The following CCDC138 variants were observed in gnomAD, a reference collection of about 807,000 sequenced individuals.
CCDC138 encodes coiled-coil domain-containing protein 138.
A neutral mutation model predicts 82.3 loss-of-function variants in CCDC138; 66 were observed. The observed-to-expected ratio is 0.80, with a 90% CI of 0.66 to 0.98. The LOEUF (loss-of-function observed/expected upper bound fraction) is 0.98, where lower values mean the gene tolerates loss of function less well. Among genes scored for constraint, CCDC138 ranks in the 50% least tolerant of loss-of-function variants. The pLI is 0.00. For missense variants in CCDC138, 816 were observed against 758.9 expected, an observed-to-expected ratio of 1.08 and a Z score of -0.88; for synonymous variants, 297 against 265.4, an observed-to-expected ratio of 1.12 and a Z score of -1.16.
intron 5 of CCDC138, 133 bp downstream of exon 5, chr2:108,794,854 A>C (rs1680591459): frequency 2.9e-6 from 2 of 679,996 alleles, no homozygotes; most frequent in African/African-American, 1.8e-5. Context: ...ACGGAAGGGG[A>C]CAAACTCAAA....
At position 108,855,731 on chromosome 2, in the gene CCDC138, C is replaced by T. The variant is rs148294840; in HGVS notation, c.1517-1063C>T. On this transcript the variant is annotated intron_variant, in intron 12 of 14. Coordinates refer to ENST00000295124, the MANE Select transcript of CCDC138 (RefSeq NM_144978.3). ...GTTTCATATGTATTTTCACTTCACA[C>T]AAGTTATTCTAAACTTCTCATTCTT... 4.1e-4 allele frequency among the ~76,000 whole-genome samples: 63 copies of T among 152,290 alleles called. No homozygotes were observed. The East Asian group carries it at 0.012, about 29-fold the overall frequency.
intron 11 of CCDC138, among the ~76,000 whole-genome samples, chr2:108,843,892 T>TC: frequency 7.3e-6 from 1 of 137,148 alleles, no homozygotes; most frequent in South Asian, 2.3e-4. Flanking sequence ...CTTTCTTTTT[T>TC]TTTTTTTTTT....
intron 4 of CCDC138, among the ~76,000 whole-genome samples, chr2:108,793,742 A>G (rs954607477): frequency 8.7e-5 from 13 of 149,908 alleles, no homozygotes; most frequent in African/African-American, 2.7e-4. Flanking sequence ...GACTACAGGC[A>G]CCCGCCATCA....
intron 10 of CCDC138, among the ~76,000 whole-genome samples, chr2:108,827,892 A>T (rs1686910169): frequency 6.6e-6 from 1 of 151,970 alleles, no homozygotes; most frequent in South Asian, 2.1e-4. Flanking sequence ...AAAAAAATTC[A>T]TCAGAGATTC....
chr2:108,862,817 A>C (rs1221001418), intron 13 of CCDC138, among the ~76,000 whole-genome samples: 2 of 152,034 alleles, frequency 1.3e-5, no homozygotes, highest in Admixed American at 1.3e-4. Flanking sequence ...ACGTGGTTAG[A>C]TACTAGTGCA....
chr2:108,835,434 G>A (rs1688413942), intron 10 of CCDC138, among the ~76,000 whole-genome samples: 1 of 152,110 alleles, frequency 6.6e-6, no homozygotes, highest in Non-Finnish European at 1.5e-5. Flanking sequence ...AAAATTCATG[G>A]AACTGTTGAT....
At chr2:108,837,795 TG>T (rs560218946) in intron 10 of CCDC138, among the ~76,000 whole-genome samples, 1 of 152,216 alleles carries the variant, frequency 6.6e-6, no homozygotes, top group Non-Finnish European at 1.5e-5. Flanking sequence ...ATTAAAAAGT[TG>T]GGGGGAGAAG....
At chr2:108,793,619 T>C (rs1440348443) in intron 4 of CCDC138, among the ~76,000 whole-genome samples, 3 of 151,008 alleles carry the variant, frequency 2.0e-5, no homozygotes, top group East Asian at 4.0e-4. Flanking sequence ...TTTTTTGAGA[T>C]GGAGTCTCGC....
At chr2:108,810,298 A>C (rs559512743) in intron 7 of CCDC138, among the ~76,000 whole-genome samples, 1 of 152,240 alleles carries the variant, frequency 6.6e-6, no homozygotes, top group East Asian at 1.9e-4. Context: ...ATAGCTTTTA[A>C]TGTGTTGAAG....
intron 13 of CCDC138, among the ~76,000 whole-genome samples, chr2:108,863,956 A>G (rs1021689057): frequency 4.6e-5 from 7 of 152,198 alleles, no homozygotes; most frequent in African/African-American, 1.7e-4. Flanking sequence ...TTACATAATC[A>G]CTTTAATGAT....
At position 108,794,354 on chromosome 2, in the gene CCDC138, G is replaced by C. The variant is rs77157598; in HGVS notation, c.395-186G>C. On this transcript the variant is annotated intron_variant, in intron 4 of 14. Coordinates refer to ENST00000295124, the MANE Select transcript of CCDC138 (RefSeq NM_144978.3). ...TGCAAAGATAGTGCAATCAATTGCT[G>C]TATACCCTTCACCCAAATTTTCGAT... 678 of 159,070 alleles carry C rather than the reference G, an allele frequency of 4.3e-3. 3 individuals carry two copies. The highest frequency in any genetic ancestry group is 5.2e-3 in the Non-Finnish European group (400 of 76,492). The allele number at this position is 159,070 out of a possible 1,614,324, so 9.9% of individuals were successfully genotyped here.
At chr2:108,817,560 G>T (rs777433809) in intron 10 of CCDC138, among the ~76,000 whole-genome samples, 14 of 152,208 alleles carry the variant, frequency 9.2e-5, no homozygotes, top group Non-Finnish European at 1.6e-4. Context: ...CAAAGTGCTG[G>T]GATTACAGGC....
At chr2:108,843,879 T>TGTGTGTGTGTGTG (rs70956281) in intron 11 of CCDC138, among the ~76,000 whole-genome samples, 3 of 126,274 alleles carry the variant, frequency 2.4e-5, no homozygotes, top group Admixed American at 1.0e-4. Flanking sequence ...TGTGTGTGTG[T>TGTGTGTGTGTGTG]TTCTTTCTTT....
At chr2:108,864,819 G>A (rs1276688642) in intron 13 of CCDC138, among the ~76,000 whole-genome samples, 1 of 148,568 alleles carries the variant, frequency 6.7e-6, no homozygotes. Flanking sequence ...AAATTAGCTT[G>A]GCATAATGGT....
intron 6 of CCDC138, among the ~76,000 whole-genome samples, chr2:108,800,184 A>AAGG (rs1681665397): frequency 2.0e-5 from 3 of 152,180 alleles, no homozygotes; most frequent in Non-Finnish European, 4.4e-5. Context: ...TAATGCATAG[A>AAGG]TTTTGGGTTC....
chr2:108,846,779 C>A lies in CCDC138; in HGVS notation c.1365C>A (p.Asp455Glu). 6.2e-7 allele frequency: 1 copy of A among 1,612,742 alleles called. No homozygotes were observed. The highest frequency in any genetic ancestry group is 1.1e-5 in the South Asian group (1 of 90,970). The part of the protein sequence containing the change: ...MTSTLRRLGE[D>E]IFKGVVTKGI... Reference sequence around the variant, plus strand: ...CAACATTGAGGAGATTGGGTGAAGACATTTTTAAAGGAGTGGTAACTAAAG... The same window carrying A: ...CAACATTGAGGAGATTGGGTGAAGAAATTTTTAAAGGAGTGGTAACTAAAG... Residue 455 changes from aspartate (D) to glutamate (E), a missense_variant, in exon 12 of 15, where the codon GAC becomes GAA. Physicochemically the swap from Asp to Glu is conservative, Grantham distance 45. Transcript: ENST00000295124.
At position 108,811,247 on chromosome 2, in the gene CCDC138, C is replaced by CTTTTTTTTTTTTTTTTTTTTT. The variant is rs55661786; in HGVS notation, c.856-1369_856-1368insTTTTTTTTTTTTTTTTTTTTT. On this transcript the variant is annotated intron_variant, in intron 7 of 14. Transcript: ENST00000295124. ...CTCCCTTTTCTTTCTTTCTCTCTCT[C>CTTTTTTTTTTTTTTTTTTTTT]TTTTTTTTTTTTTTTGACTGTCTCC... Among the ~76,000 whole-genome samples the CTTTTTTTTTTTTTTTTTTTTT allele has an allele frequency of 6.1e-5, 7 of 113,936 alleles. 1 individual carries two copies. Among genetic ancestry groups the CTTTTTTTTTTTTTTTTTTTTT allele is most frequent in the African/African-American group, 2.7e-4 (7 of 26,240 alleles). 74.7% of individuals were successfully genotyped at this position (113,936 alleles called of 152,430 possible).
downstream of CCDC138, among the ~76,000 whole-genome samples, chr2:108,876,950 A>G (rs1322371142): frequency 1.3e-5 from 2 of 152,344 alleles, no homozygotes; most frequent in East Asian, 3.9e-4. Flanking sequence ...TAAAGGTGGT[A>G]AAACTTGGGA....
Position 108,854,092 on chromosome 2 carries a change from TTA to T in CCDC138, c.1517-2693_1517-2692del, listed in dbSNP as rs529851118. Among the ~76,000 whole-genome samples the T allele has an allele frequency of 2.2e-3, 297 of 133,640 alleles. 2 individuals are homozygous for T. The highest frequency in any genetic ancestry group is 7.9e-3 in the African/African-American group (280 of 35,648). 87.7% of individuals were successfully genotyped at this position (133,640 alleles called of 152,430 possible). On this transcript the variant is annotated intron_variant, in intron 12 of 14. Coordinates refer to ENST00000295124, the MANE Select transcript of CCDC138 (RefSeq NM_144978.3). The stretch of plus-strand genomic sequence containing the variant: ...TTATATATAATATAATAAATTTATA[TTA>T]TATATATAATAAATATATATAATAT...
Sources: allele counts gnomAD v4.1 joint callset (sites outside exome capture counted in the v4.1 genomes callset), GRCh38; gene constraint gnomAD v4.1.1; transcripts MANE v1.5; gene names NCBI Gene and HGNC (gene_info 2026-07-23, HGNC 2026-07-21).